SIRPG: variants seen among roughly 807,000 people sequenced by gnomAD.
The protein encoded by SIRPG is signal regulatory protein gamma, also known as signal-regulatory protein gamma.
A neutral mutation model predicts 35.7 loss-of-function variants in SIRPG; 38 were observed. The observed-to-expected ratio is 1.06, with a 90% CI of 0.82 to 1.40. The LOEUF (loss-of-function observed/expected upper bound fraction) is 1.40, where lower values mean the gene tolerates loss of function less well. SIRPG is among the 40% of genes most tolerant of loss of function. The probability of loss-of-function intolerance (pLI) is 0.00; values close to 1 mark genes in which losing one functional copy is unlikely to be tolerated. For synonymous variants in SIRPG, 215 were observed against 190.4 expected (o/e 1.13, Z -1.06); for missense variants, 519 against 483.0 (o/e 1.07, Z -0.70).
At chr20:1,665,863 G>T in the SIRPG span, among the ~76,000 whole-genome samples, 1 of 151,906 alleles carries the variant, frequency 6.6e-6, no homozygotes, top group Admixed American at 6.6e-5. Context: ...TGATTTTTAG[G>T]AACGTTTAAA....
chr20:1,637,327 G>T, intron 2 of SIRPG: 1 of 212,868 alleles, frequency 4.7e-6, no homozygotes, highest in Non-Finnish European at 9.9e-6. Flanking sequence ...CTGTAGACCT[G>T]GATAACAATG....
the SIRPG span, among the ~76,000 whole-genome samples, chr20:1,665,002 CACTT>C: frequency 1.3e-5 from 2 of 152,178 alleles, no homozygotes; most frequent in Non-Finnish European, 2.9e-5. Flanking sequence ...AGTTGCCCCT[CACTT>C]AGCACCCTCT....
At chr20:1,634,209 GTT>G (rs11284426) in intron 4 of SIRPG, among the ~76,000 whole-genome samples, 6,297 of 128,614 alleles carry the variant, frequency 0.049, 156 homozygotes, top group Middle Eastern at 0.071. Flanking sequence ...GCCTGGTACA[GTT>G]TTTTTTTTTT....
chr20:1,680,809 A>C, the SIRPG span, among the ~76,000 whole-genome samples: 6 of 151,044 alleles, frequency 4.0e-5, no homozygotes, highest in East Asian at 1.2e-3. Context: ...TCAAAATTAT[A>C]AGTCATATAC....
intron 2 of SIRPG, among the ~76,000 whole-genome samples, chr20:1,641,974 C>T (rs376402338): frequency 3.3e-5 from 5 of 152,162 alleles, no homozygotes; most frequent in East Asian, 1.9e-4. Flanking sequence ...CTATGATTTC[C>T]GTTCTTTTGC....
At chr20:1,661,465 T>C (rs2091995643), upstream of SIRPG, among the ~76,000 whole-genome samples, 1 of 151,902 alleles carries the variant, frequency 6.6e-6, no homozygotes, top group Admixed American at 6.6e-5. Context: ...GCTGAGAGGG[T>C]GAGGAGACAC....
upstream of SIRPG, among the ~76,000 whole-genome samples, chr20:1,661,625 A>C (rs1262061026): frequency 6.6e-6 from 1 of 151,852 alleles, no homozygotes; most frequent in Non-Finnish European, 1.5e-5. Context: ...GAGAATCCAG[A>C]CTCTACTCTG....
chr20:1,670,507 T>C, the SIRPG span, among the ~76,000 whole-genome samples: 1 of 152,120 alleles, frequency 6.6e-6, no homozygotes, highest in African/African-American at 2.4e-5. Context: ...TGGCATGCAG[T>C]TGAAATGTCA....
chr20:1,652,016 C>A (rs2091943002), intron 1 of SIRPG, among the ~76,000 whole-genome samples: 1 of 152,160 alleles, frequency 6.6e-6, no homozygotes, highest in Admixed American at 6.5e-5. Flanking sequence ...AACAGGCACT[C>A]CTTTTAGTGC....
chr20:1,659,178 C>A (rs67599103), upstream of SIRPG, among the ~76,000 whole-genome samples: 21,266 of 152,162 alleles, frequency 0.14, 1,660 homozygotes, highest in Non-Finnish European at 0.16. Flanking sequence ...ACCGTTGTGC[C>A]TTAGAAAAGC....
intron 2 of SIRPG, chr20:1,637,232 G>T: frequency 4.8e-6 from 1 of 206,900 alleles, no homozygotes; most frequent in Non-Finnish European, 1.1e-5. Context: ...AAATGAAGTA[G>T]TTAAGGCTAA....
chr20:1,657,531 C>T (rs2091982532), intron 1 of SIRPG, 111 bp downstream of exon 1: 2 of 1,064,516 alleles, frequency 1.9e-6, no homozygotes, highest in Non-Finnish European at 1.5e-6. Context: ...AATGTCCAGT[C>T]CTTGACCTTC....
At chr20:1,674,958 C>T in the SIRPG span, among the ~76,000 whole-genome samples, 1 of 152,212 alleles carries the variant, frequency 6.6e-6, no homozygotes, top group Non-Finnish European at 1.5e-5. Flanking sequence ...CTACCAAGCA[C>T]TCATGTCCAT....
the SIRPG span, among the ~76,000 whole-genome samples, chr20:1,668,193 C>CTTTTT: frequency 1.7e-4 from 5 of 28,684 alleles, no homozygotes; most frequent in African/African-American, 4.5e-4. Context: ...CTTTCTTTTT[C>CTTTTT]TTTTCTTTTC....
At chr20:1,639,250 G>A (rs1050327946) in intron 2 of SIRPG, among the ~76,000 whole-genome samples, 6 of 151,620 alleles carry the variant, frequency 4.0e-5, no homozygotes, top group African/African-American at 1.2e-4. Context: ...ATGTAAAAAC[G>A]CTCCTATTTT....
At chr20:1,636,542 G>C (rs2091804560) in intron 2 of SIRPG, 37 bp from the exon 3 acceptor site, 1 of 1,602,302 alleles carries the variant, frequency 6.2e-7, no homozygotes, top group East Asian at 2.2e-5. Flanking sequence ...AGACATGACT[G>C]AGATGACAAT....
chr20:1,660,644 G>C (rs1013309795), upstream of SIRPG, among the ~76,000 whole-genome samples: 1 of 152,140 alleles, frequency 6.6e-6, no homozygotes, highest in Non-Finnish European at 1.5e-5. Context: ...GTGGAGAATT[G>C]AAATTTAAAT....
chr20:1,643,975 T>C (rs540474853), intron 2 of SIRPG, among the ~76,000 whole-genome samples: 18 of 152,298 alleles, frequency 1.2e-4, no homozygotes, highest in Admixed American at 5.9e-4. Context: ...CGAGGGGCAC[T>C]GATCTAATGC....
chr20:1,675,495 G>A, the SIRPG span, among the ~76,000 whole-genome samples: 2 of 152,290 alleles, frequency 1.3e-5, no homozygotes, highest in East Asian at 1.9e-4. Context: ...CAATGCAAGA[G>A]TTTAGAATGA....
Sources: gnomAD v4.1 joint callset for allele counts (sites outside exome capture counted in the v4.1 genomes callset) on GRCh38, gnomAD v4.1.1 for gene constraint, MANE v1.5 for transcripts, NCBI Gene and HGNC (gene_info 2026-07-23, HGNC 2026-07-21) for gene names.